The following CCDC38 variants were observed in gnomAD, a reference collection of about 807,000 sequenced individuals.
The protein encoded by CCDC38 is coiled-coil domain-containing protein 38.
Under a neutral mutation model 72.8 loss-of-function variants are expected in CCDC38, and 69 were observed. The observed-to-expected ratio is 0.95, with a 90% CI of 0.78 to 1.16. The LOEUF (loss-of-function observed/expected upper bound fraction) is 1.16. Among genes scored for constraint, CCDC38 ranks in the 50% most tolerant of loss-of-function variants. The probability of loss-of-function intolerance (pLI) is 0.00; values close to 1 mark genes in which losing one functional copy is unlikely to be tolerated. For missense variants in CCDC38, 626 were observed against 638.9 expected, an observed-to-expected ratio of 0.98 and a Z score of 0.22; for synonymous variants, 201 against 213.2, an observed-to-expected ratio of 0.94 and a Z score of 0.50.
rs536663959 is a variant in CCDC38, at chr12:95,918,692, G to C, written c.138+184C>G. ...TCCGTTAGGTGGCGATCTTTGTGCTGCCTACTGTCAGCTGGATGTTTTTCT... is the reference window on the plus strand; with the variant it reads ...TCCGTTAGGTGGCGATCTTTGTGCTCCCTACTGTCAGCTGGATGTTTTTCT... On this transcript the variant is annotated intron_variant, in intron 3 of 15. Coordinates refer to ENST00000344280, the MANE Select transcript of CCDC38 (RefSeq NM_182496.3). Among the ~76,000 whole-genome samples the C allele has an allele frequency of 1.5e-3, 234 of 152,284 alleles. 1 individual carries two copies. The highest frequency in any genetic ancestry group is 2.6e-3 in the Non-Finnish European group (180 of 68,032).
At chr12:95,890,764 C>G in intron 9 of CCDC38, 68 bp downstream of exon 9, 1 of 965,734 alleles carries the variant, frequency 1.0e-6, no homozygotes, top group Non-Finnish European at 1.6e-6. Flanking sequence ...GCTTGTAGTC[C>G]TCTGTCTCCA....
intron 2 of CCDC38, among the ~76,000 whole-genome samples, chr12:95,924,764 C>T (rs1460156566): frequency 6.7e-6 from 1 of 148,848 alleles, no homozygotes; most frequent in South Asian, 2.2e-4. Flanking sequence ...ATATGGCTAG[C>T]CAGTTTTCCC....
At chr12:95,925,645 T>C (rs1358138530) in intron 2 of CCDC38, among the ~76,000 whole-genome samples, 1 of 152,174 alleles carries the variant, frequency 6.6e-6, no homozygotes, top group East Asian at 1.9e-4. Flanking sequence ...GCTTCCAGTT[T>C]TTGCCCATTC....
chr12:95,884,158 A>G (rs902237462), intron 10 of CCDC38, among the ~76,000 whole-genome samples: 3 of 152,230 alleles, frequency 2.0e-5, no homozygotes, highest in Admixed American at 6.5e-5. Context: ...GCTATGTGCA[A>G]ATGACATAAT....
chr12:95,886,927 G>A (rs2079766397), intron 10 of CCDC38, among the ~76,000 whole-genome samples: 1 of 152,196 alleles, frequency 6.6e-6, no homozygotes, highest in Admixed American at 6.5e-5. Context: ...GCTCACGCCT[G>A]TAATCCCAGC....
At chr12:95,909,799 A>G (rs1424463948) in intron 4 of CCDC38, among the ~76,000 whole-genome samples, 1 of 152,186 alleles carries the variant, frequency 6.6e-6, no homozygotes, top group Admixed American at 6.5e-5. Flanking sequence ...AAACCCCAAA[A>G]CCATAGGATC....
chr12:95,907,920 G>C (rs1398397052), intron 4 of CCDC38, among the ~76,000 whole-genome samples: 1 of 151,226 alleles, frequency 6.6e-6, no homozygotes. Context: ...TCCTAGATGG[G>C]ATGGCGGCTG....
At chr12:95,869,259 A>G (rs1400868869) in intron 15 of CCDC38, among the ~76,000 whole-genome samples, 1 of 152,212 alleles carries the variant, frequency 6.6e-6, no homozygotes, top group East Asian at 1.9e-4. Context: ...AGAGGAGAGA[A>G]GAGGCTTCTT....
chr12:95,894,174 G>A (rs1037459805), intron 8 of CCDC38, among the ~76,000 whole-genome samples: 2 of 152,092 alleles, frequency 1.3e-5, no homozygotes, highest in Non-Finnish European at 2.9e-5. Flanking sequence ...AGCTGAGATT[G>A]TGCCATTGGA....
In CCDC38 at chr12:95,898,584, C is replaced by T. The variant is rs1218946542; in HGVS notation, c.517G>A (p.Val173Ile). ...EFLRENDQRSVDALKMAAQET... is the reference protein window; with the variant it reads ...EFLRENDQRSIDALKMAAQET... ...GAAACAAACATTTTCAGAGCGTCTA[C>T]AGATCTCTGGTCATTTTCTCGAAGG... The change falls in exon 6 of 16, where the codon GTA (valine) becomes ATA (isoleucine). Residue 173 changes from valine to isoleucine, a missense_variant. Transcript: ENST00000344280. The T allele has an allele frequency of 3.1e-6, 5 of 1,614,144 alleles. No homozygotes were observed. The highest frequency in any genetic ancestry group is 2.2e-5 in the South Asian group (2 of 91,078).
intron 9 of CCDC38, 141 bp from the exon 10 acceptor site, chr12:95,888,647 T>A: frequency 1.5e-6 from 1 of 653,088 alleles, no homozygotes; most frequent in Non-Finnish European, 2.7e-6. Context: ...TCTTTCTTTT[T>A]TTAAAAAATT....
chr12:95,914,318 C>T (rs549822616), intron 4 of CCDC38, among the ~76,000 whole-genome samples: 251 of 152,180 alleles, frequency 1.6e-3, no homozygotes, highest in African/African-American at 5.5e-3. Flanking sequence ...AGAAAGACTC[C>T]GTCTCAAAAA....
intron 8 of CCDC38, among the ~76,000 whole-genome samples, chr12:95,892,043 T>G (rs2079832286): frequency 6.7e-6 from 1 of 149,238 alleles, no homozygotes; most frequent in Admixed American, 6.7e-5. Context: ...ATCCTAGGGC[T>G]CACCTCCCTG....
At chr12:95,881,727 T>C (rs2079702646) in intron 10 of CCDC38, among the ~76,000 whole-genome samples, 173 bp from the exon 11 acceptor site, 1 of 152,194 alleles carries the variant, frequency 6.6e-6, no homozygotes, top group Non-Finnish European at 1.5e-5. Flanking sequence ...ATTCCATGAA[T>C]ATACAAAAGA....
chr12:95,870,986 T>C (rs2079575165), intron 14 of CCDC38, among the ~76,000 whole-genome samples: 1 of 152,242 alleles, frequency 6.6e-6, no homozygotes, highest in African/African-American at 2.4e-5. Context: ...AGAGTGCTTA[T>C]GTTGCCTAAG....
chr12:95,897,976 G>C (rs1034715748), intron 7 of CCDC38, among the ~76,000 whole-genome samples: 1 of 152,078 alleles, frequency 6.6e-6, no homozygotes, highest in Non-Finnish European at 1.5e-5. Context: ...GATGATCGTA[G>C]AATGAGTCCC....
chr12:95,899,135 A>G (rs770780562), intron 5 of CCDC38, among the ~76,000 whole-genome samples: 1 of 152,234 alleles, frequency 6.6e-6, no homozygotes, highest in Non-Finnish European at 1.5e-5. Flanking sequence ...AAGCAGTTTC[A>G]ACTCTGCCAT....
At chr12:95,936,035 G>A (rs150372276) in intron 2 of CCDC38, among the ~76,000 whole-genome samples, 137 of 152,048 alleles carry the variant, frequency 9.0e-4, no homozygotes, top group East Asian at 1.9e-4. Context: ...CCAAGATTGC[G>A]CCAATGCACT....
chr12:95,891,184 G>A (rs1051950497), intron 8 of CCDC38, among the ~76,000 whole-genome samples: 1 of 152,228 alleles, frequency 6.6e-6, no homozygotes, highest in Non-Finnish European at 1.5e-5. Context: ...AAGAGAATGT[G>A]TGAGAACTGA....
Sources: gnomAD v4.1 joint callset for allele counts (sites outside exome capture counted in the v4.1 genomes callset) on GRCh38, gnomAD v4.1.1 for gene constraint, MANE v1.5 for transcripts, NCBI Gene and HGNC (gene_info 2026-07-23, HGNC 2026-07-21) for gene names.